The following TRABD2A variants were observed in gnomAD, a reference collection of about 807,000 sequenced individuals.
TRABD2A encodes the protein TraB domain containing 2A.
Under a neutral mutation model 45.6 loss-of-function variants are expected in TRABD2A, and 43 were observed. That is an observed-to-expected ratio of 0.94 (90% confidence interval 0.74 to 1.22). The LOEUF (loss-of-function observed/expected upper bound fraction) is 1.22, where lower values mean the gene tolerates loss of function less well. Among genes scored for constraint, TRABD2A ranks in the 50% most tolerant of loss-of-function variants. The pLI, the probability that TRABD2A is intolerant of heterozygous loss-of-function variation, is 0.00. For synonymous variants in TRABD2A, 269 were observed against 265.0 expected, an observed-to-expected ratio of 1.02 and a Z score of -0.15; for missense variants, 642 against 652.4, an observed-to-expected ratio of 0.98 and a Z score of 0.17.
intron 2 of TRABD2A, among the ~76,000 whole-genome samples, chr2:84,853,964 G>A (rs1010165158): frequency 2.6e-5 from 4 of 151,980 alleles, no homozygotes; most frequent in Non-Finnish European, 5.9e-5. Flanking sequence ...AGGTTGCAGT[G>A]AGCAGAGATC....
chr2:84,866,682 CTT>C lies in TRABD2A; in HGVS notation c.669+3541_669+3542del, dbSNP rs111567421. Among the ~76,000 whole-genome samples, 954 of 139,314 alleles carry C rather than the reference CTT, an allele frequency of 6.8e-3. 3 individuals carry two copies. The highest frequency in any genetic ancestry group is 0.022 in the African/African-American group (848 of 38,970). 91.4% of individuals were successfully genotyped at this position (139,314 alleles called of 152,430 possible). On this transcript the variant is annotated intron_variant, in intron 2 of 6. Transcript: ENST00000409520. ...TTATGAAGTGCTTTCCAATTTCCTG[CTT>C]TTTTTTTTTTTTTTGCTTCTGACAA...
chr2:84,839,388 G>A, intron 3 of TRABD2A, 65 bp from the exon 4 acceptor site: 1 of 1,466,464 alleles, frequency 6.8e-7, no homozygotes, highest in South Asian at 1.3e-5. Flanking sequence ...TTACTTCATT[G>A]GAGCATCAAA....
chr2:84,832,996 C>G (rs1681392931), intron 4 of TRABD2A: 1 of 152,268 alleles, frequency 6.6e-6, no homozygotes, highest in Non-Finnish European at 1.5e-5. Context: ...CCACTGTAGT[C>G]TCAGGAGTCA....
intron 6 of TRABD2A, 86 bp downstream of exon 6, chr2:84,823,867 C>CAG (rs1681065095): frequency 6.5e-7 from 1 of 1,537,984 alleles, no homozygotes; most frequent in Admixed American, 2.1e-5. Context: ...AGGGGGGCTC[C>CAG]CATTGCAACC....
At chr2:84,856,243 C>G (rs1682299140) in intron 2 of TRABD2A, among the ~76,000 whole-genome samples, 1 of 152,076 alleles carries the variant, frequency 6.6e-6, no homozygotes, top group Non-Finnish European at 1.5e-5. Context: ...CCCACCTCAC[C>G]TAGGTCTCCG....
intron 2 of TRABD2A, among the ~76,000 whole-genome samples, chr2:84,853,225 A>C (rs1485131155): frequency 6.6e-6 from 1 of 151,884 alleles, no homozygotes; most frequent in African/African-American, 2.4e-5. Context: ...GTGATGCCAA[A>C]GGCAGTGTGT....
chr2:84,878,529 A>C (rs1297590972), intron 1 of TRABD2A, among the ~76,000 whole-genome samples: 1 of 90,870 alleles, frequency 1.1e-5, no homozygotes, highest in Non-Finnish European at 2.1e-5. Context: ...ACTCTGTCTC[A>C]AAAAAAAAAA....
intron 2 of TRABD2A, among the ~76,000 whole-genome samples, chr2:84,863,418 G>C (rs1682567217): frequency 6.7e-6 from 1 of 150,350 alleles, no homozygotes; most frequent in Non-Finnish European, 1.5e-5. Context: ...CTAATTTTTT[G>C]TATTTTTAGT....
Position 84,823,950 on chromosome 2 carries a change from G to A in TRABD2A, c.1334+3C>T. ...CCAACCCGACCCAGCCTACTCGCCT[G>A]ACCTCTCCTCCAGGCGGACCCACAG... On this transcript the variant is annotated splice_donor_region_variant and intron_variant, in intron 6 of 6. Transcript: ENST00000409520. 6.2e-7 allele frequency: 1 copy of A among 1,613,488 alleles called. No individual in the cohort carries two copies. Among genetic ancestry groups the A allele is most frequent in the South Asian group, 1.1e-5 (1 of 91,054 alleles).
intron 1 of TRABD2A, among the ~76,000 whole-genome samples, chr2:84,880,348 G>A (rs1316842968): frequency 1.3e-5 from 2 of 152,156 alleles, no homozygotes; most frequent in East Asian, 3.9e-4. Flanking sequence ...GCAAGGCTCG[G>A]ACAGTGGTCA....
chr2:84,842,016 A>G lies in TRABD2A; in HGVS notation c.670-9T>C. The G allele has an allele frequency of 6.7e-7, 1 of 1,487,386 alleles. No homozygotes were observed. Among genetic ancestry groups the G allele is most frequent in the Non-Finnish European group, 8.9e-7 (1 of 1,117,940 alleles). The allele number at this position is 1,487,386 out of a possible 1,614,324, so 92.1% of individuals were successfully genotyped here. ...TTCAAAGCAAAGATGACCTAAAAGAAAGGTCTCTTTTAAGTTCACTAACAA... is the reference window on the plus strand; with the variant it reads ...TTCAAAGCAAAGATGACCTAAAAGAGAGGTCTCTTTTAAGTTCACTAACAA... On this transcript the variant is annotated splice_polypyrimidine_tract_variant and intron_variant, in intron 2 of 6. Transcript: ENST00000409520.
intron 4 of TRABD2A, chr2:84,833,049 G>A (rs1681394719): frequency 6.6e-6 from 1 of 152,158 alleles, no homozygotes; most frequent in African/African-American, 2.4e-5. Flanking sequence ...CAGCAAATAG[G>A]CCCCGAGAAG....
chr2:84,824,082 A>AG lies in TRABD2A; in HGVS notation c.1204dup (p.Leu402ProfsTer13). 1.2e-6 allele frequency: 2 copies of AG among 1,613,832 alleles called. No individual in the cohort carries two copies. The highest frequency in any genetic ancestry group is 2.2e-5 in the East Asian group (1 of 44,864). On this transcript the variant is annotated frameshift_variant, in exon 6 of 7. Coordinates refer to ENST00000409520, the MANE Select transcript of TRABD2A (RefSeq NM_001277053.2). LOFTEE classifies it high-confidence loss of function. ...GTCGGCACTTCCAGGCCGGGACACA[A>AG]GGGGAGGCAGCGTTGAGTGCCCTGA...
At chr2:84,822,169 A>G (rs1162060463) in intron 6 of TRABD2A, 69 bp from the exon 7 acceptor site, 1 of 1,360,272 alleles carries the variant, frequency 7.4e-7, no homozygotes, top group Non-Finnish European at 9.8e-7. Flanking sequence ...AAGGCCCCCA[A>G]ATGCCCACAC....
At chr2:84,853,863 T>C (rs1361204439) in intron 2 of TRABD2A, among the ~76,000 whole-genome samples, 1 of 152,000 alleles carries the variant, frequency 6.6e-6, no homozygotes, top group Non-Finnish European at 1.5e-5. Flanking sequence ...GTACTAAAAA[T>C]ACAAAAATTA....
At position 84,821,668 on chromosome 2, in the gene TRABD2A, TA is replaced by T. The variant is rs1681002601; in HGVS notation, c.*248del. ...AAAAATCTATACAAAAAAAGGTATT[TA>T]TTTTCATACAACTCATTTATAATTT... On this transcript the variant is annotated 3_prime_UTR_variant, in exon 7 of 7. Coordinates refer to ENST00000409520, the MANE Select transcript of TRABD2A (RefSeq NM_001277053.2). 2.9e-6 allele frequency: 1 copy of T among 342,468 alleles called. No individual in the cohort carries two copies. The highest frequency in any genetic ancestry group is 4.7e-5 in the East Asian group (1 of 21,382). 21.2% of individuals were successfully genotyped at this position (342,468 alleles called of 1,614,324 possible).
At position 84,870,537 on chromosome 2, in the gene TRABD2A, G is replaced by T; in HGVS notation, c.357C>A (p.Ile119=). The T allele has an allele frequency of 1.9e-6, 3 of 1,614,044 alleles. No individual in the cohort carries two copies. The South Asian group carries it at 3.3e-5, about 18-fold the overall frequency. ...CCAGGTGGCGCTTGAGGCGGCAGTA[G>T]ATGTCCCTGGGGAGCACATCTTGGA... ...ENLQDVLPRD[I]YCRLKRHLEY... is the part of the protein sequence containing the mutation. Residue 119 remains isoleucine, a synonymous_variant, in exon 2 of 7, where the codon ATC becomes ATA. Transcript: ENST00000409520.
At chr2:84,864,123 G>T (rs919012831) in intron 2 of TRABD2A, among the ~76,000 whole-genome samples, 3 of 151,998 alleles carry the variant, frequency 2.0e-5, no homozygotes, top group African/African-American at 4.8e-5. Flanking sequence ...CAGTGTAGGT[G>T]CACCTGACAG....
chr2:84,877,705 A>G (rs928668619), intron 1 of TRABD2A, among the ~76,000 whole-genome samples: 1 of 152,212 alleles, frequency 6.6e-6, no homozygotes, highest in Non-Finnish European at 1.5e-5. Context: ...ACACCTGTGT[A>G]GTCCATCCAG....
Sources: gnomAD v4.1 joint callset for allele counts (sites outside exome capture counted in the v4.1 genomes callset) on GRCh38, gnomAD v4.1.1 for gene constraint, MANE v1.5 for transcripts, NCBI Gene and HGNC (gene_info 2026-07-23, HGNC 2026-07-21) for gene names.